The following ADGB variants were observed in gnomAD, a reference collection of about 807,000 sequenced individuals.
ADGB encodes the protein calpain-7-like protein.
ADGB carries 172 observed loss-of-function variants against 210.5 expected under a neutral mutation model. The ratio of observed to expected loss-of-function variants is 0.82; its 90% CI spans 0.72 to 0.93. The LOEUF (loss-of-function observed/expected upper bound fraction) is 0.93. ADGB is among the 40% of genes least tolerant of loss of function. ADGB has a pLI of 0.00. For missense variants in ADGB, 2,025 were observed against 1,964.8 expected, an observed-to-expected ratio of 1.03 and a Z score of -0.58; for synonymous variants, 658 against 662.7, an observed-to-expected ratio of 0.99 and a Z score of 0.11.
In ADGB at chr6:146,685,753, C is replaced by T; in HGVS notation, c.1236C>T (p.Thr412=). The change falls in exon 10 of 36, where the codon ACC becomes ACT. Residue 412 remains threonine, a synonymous_variant. Coordinates refer to ENST00000397944, the MANE Select transcript of ADGB (RefSeq NM_024694.4). ...SLSDCSSAIQ[T]SHMVVYATFT... Reference sequence around the variant, plus strand: ...TTACAGGTTCTTCTGCAATACAGACCTCTCATATGGTCGTATATGCGACAT... The same window carrying T: ...TTACAGGTTCTTCTGCAATACAGACTTCTCATATGGTCGTATATGCGACAT... 2 of 1,532,760 alleles carry T rather than the reference C, an allele frequency of 1.3e-6. No homozygotes were observed. The highest frequency in any genetic ancestry group is 1.8e-6 in the Non-Finnish European group (2 of 1,139,238). 94.9% of individuals were successfully genotyped at this position (1,532,760 alleles called of 1,614,324 possible).
intron 30 of ADGB, among the ~76,000 whole-genome samples, chr6:146,784,208 A>G (rs1048433431): frequency 6.6e-6 from 1 of 152,192 alleles, no homozygotes; most frequent in Non-Finnish European, 1.5e-5. Context: ...CCTGGTAACA[A>G]CTGATCTTTC....
At chr6:146,758,452 G>C (rs1383893516) in intron 27 of ADGB, among the ~76,000 whole-genome samples, 1 of 151,898 alleles carries the variant, frequency 6.6e-6, no homozygotes, top group Non-Finnish European at 1.5e-5. Flanking sequence ...AGGTAACACT[G>C]TTTATAGTTT....
At chr6:146,679,482 A>T (rs1776129122) in intron 9 of ADGB, among the ~76,000 whole-genome samples, 1 of 152,196 alleles carries the variant, frequency 6.6e-6, no homozygotes, top group African/African-American at 2.4e-5. Flanking sequence ...TCATAAAACA[A>T]AATAGCAGGG....
intron 35 of ADGB, among the ~76,000 whole-genome samples, chr6:146,814,610 C>T (rs1319848906): frequency 6.6e-6 from 1 of 152,186 alleles, no homozygotes; most frequent in Non-Finnish European, 1.5e-5. Context: ...TTTGGCCATA[C>T]TATTTGGAGC....
chr6:146,696,552 A>G (rs1230311898), intron 12 of ADGB, among the ~76,000 whole-genome samples: 1 of 149,390 alleles, frequency 6.7e-6, no homozygotes, highest in Non-Finnish European at 1.5e-5. Flanking sequence ...TGTTTTTGTG[A>G]GGAAAAATGT....
At chr6:146,751,267 A>G (rs1777316024) in intron 26 of ADGB, among the ~76,000 whole-genome samples, 1 of 151,896 alleles carries the variant, frequency 6.6e-6, no homozygotes, top group African/African-American at 2.4e-5. Context: ...TGCTGAGGAT[A>G]ATGGCTTCCA....
intron 13 of ADGB, among the ~76,000 whole-genome samples, chr6:146,702,731 G>T (rs1331064605): frequency 6.6e-6 from 1 of 151,710 alleles, no homozygotes; most frequent in Non-Finnish European, 1.5e-5. Flanking sequence ...TTATGTAAAT[G>T]AACTGTAGTT....
intron 35 of ADGB, among the ~76,000 whole-genome samples, chr6:146,808,962 C>T (rs796225706): frequency 1.1e-4 from 17 of 151,950 alleles, no homozygotes; most frequent in African/African-American, 2.9e-4. Context: ...GTGGAGGCCG[C>T]GAAGGCCTCG....
rs1240808742 is a variant in ADGB at position 146,815,151 on chromosome 6, G to A, written c.4938G>A (p.Lys1646=). Residue 1646 remains lysine (K), a synonymous_variant, in exon 36 of 36, where the codon AAG becomes AAA. Coordinates refer to ENST00000397944, the MANE Select transcript of ADGB (RefSeq NM_024694.4). ...ETLAAQEAAM[K]LETEKMTPAP... ...TGGCTGCTCAGGAAGCAGCCATGAAGCTGGAGACAGAAAAGATGACCCCAG... is the reference window on the plus strand; with the variant it reads ...TGGCTGCTCAGGAAGCAGCCATGAAACTGGAGACAGAAAAGATGACCCCAG... The A allele has an allele frequency of 6.5e-7, 1 of 1,539,704 alleles. No individual in the cohort carries two copies. The highest frequency in any genetic ancestry group is 8.7e-7 in the Non-Finnish European group (1 of 1,144,558).
Position 146,715,366 on chromosome 6 carries a change from T to C in ADGB, c.1708-16T>C, listed in dbSNP as rs761515210. ...ATGTTTTGTTGGATTCAAAGTGTGT[T>C]TCTTTTAATTCATAGGGAAATACTG... On this transcript the variant is annotated splice_polypyrimidine_tract_variant and intron_variant, in intron 13 of 35. Transcript: ENST00000397944. The C allele has an allele frequency of 1.3e-6, 2 of 1,501,020 alleles. No individual in the cohort carries two copies. Among genetic ancestry groups the C allele is most frequent in the Non-Finnish European group, 1.8e-6 (2 of 1,117,266 alleles). The allele number at this position is 1,501,020 out of a possible 1,614,324, so 93.0% of individuals were successfully genotyped here. A position where few individuals can be genotyped will look rare whatever the true frequency, so the allele number is the denominator to read the frequency against.
intron 5 of ADGB, among the ~76,000 whole-genome samples, chr6:146,657,189 G>C (rs185610498): frequency 6.6e-6 from 1 of 151,978 alleles, no homozygotes; most frequent in Non-Finnish European, 1.5e-5. Context: ...AGCTGGGTAC[G>C]GTGGTGGGTG....
chr6:146,768,860 G>C (rs192447897), intron 28 of ADGB, among the ~76,000 whole-genome samples, 160 bp from the exon 29 acceptor site: 284 of 152,258 alleles, frequency 1.9e-3, no homozygotes, highest in African/African-American at 6.2e-3. Context: ...ATAAAGTGTA[G>C]CGTTACAGAG....
chr6:146,611,356 G>A (rs1422541835), intron 1 of ADGB, among the ~76,000 whole-genome samples: 1 of 152,010 alleles, frequency 6.6e-6, no homozygotes, highest in Non-Finnish European at 1.5e-5. Context: ...CCACCTAGAG[G>A]AGCATGGGAA....
chr6:146,657,002 T>C (rs1269374906), intron 5 of ADGB, 22 bp downstream of exon 5: 5 of 1,518,546 alleles, frequency 3.3e-6, no homozygotes, highest in Non-Finnish European at 3.6e-6. Context: ...TTCGTGTGCA[T>C]AAAAACTCAT....
chr6:146,749,390 G>C (rs1227078917), intron 26 of ADGB, among the ~76,000 whole-genome samples: 1 of 152,140 alleles, frequency 6.6e-6, no homozygotes, highest in Non-Finnish European at 1.5e-5. Flanking sequence ...ACCTAGGACA[G>C]AATATGAAGA....
At chr6:146,808,460 G>A (rs1425102981) in intron 35 of ADGB, among the ~76,000 whole-genome samples, 1 of 152,082 alleles carries the variant, frequency 6.6e-6, no homozygotes, top group African/African-American at 2.4e-5. Flanking sequence ...CCATTTTCAT[G>A]CTCACCAGTG....
intron 20 of ADGB, among the ~76,000 whole-genome samples, chr6:146,731,373 T>C (rs1212777521): frequency 6.8e-6 from 1 of 146,634 alleles, no homozygotes; most frequent in Non-Finnish European, 1.5e-5. Flanking sequence ...AAAAAAAAGC[T>C]ATAGTCTCTA....
intron 13 of ADGB, among the ~76,000 whole-genome samples, chr6:146,701,923 A>T (rs1025671782): frequency 6.6e-6 from 1 of 151,948 alleles, no homozygotes; most frequent in Non-Finnish European, 1.5e-5. Context: ...CAGCTTACAT[A>T]TTCTTGTAAG....
intron 26 of ADGB, among the ~76,000 whole-genome samples, chr6:146,747,465 A>C (rs1777256345): frequency 6.6e-6 from 1 of 152,160 alleles, no homozygotes; most frequent in Non-Finnish European, 1.5e-5. Context: ...AGGAAGGTGA[A>C]GAGGGAGCTG....
Sources: allele counts gnomAD v4.1 joint callset (sites outside exome capture counted in the v4.1 genomes callset), GRCh38; gene constraint gnomAD v4.1.1; transcripts MANE v1.5; gene names NCBI Gene and HGNC (gene_info 2026-07-23, HGNC 2026-07-21).